NPFFR2: variants seen among roughly 807,000 people sequenced by gnomAD.
NPFFR2 encodes the protein neuropeptide FF receptor 2, also known as G-protein coupled receptor 74.
NPFFR2 carries 15 observed loss-of-function variants against 13.1 expected under a neutral mutation model. That is an observed-to-expected ratio of 1.15 (90% CI 0.77 to 1.76). NPFFR2 has a LOEUF of 1.76. NPFFR2 is among the 40% of genes most tolerant of loss of function. The pLI, the probability that NPFFR2 is intolerant of heterozygous loss-of-function variation, is 0.00. For synonymous variants in NPFFR2, 190 were observed against 175.7 expected, an observed-to-expected ratio of 1.08 and a Z score of -0.65; for missense variants, 572 against 503.5, an observed-to-expected ratio of 1.14 and a Z score of -1.30.
chr4:72,121,670 G>C (rs368245365), intron 1 of NPFFR2, among the ~76,000 whole-genome samples: 10 of 152,148 alleles, frequency 6.6e-5, no homozygotes, highest in African/African-American at 2.4e-4. Flanking sequence ...AAGTGAAGGA[G>C]AAATAAAATC....
chr4:72,109,052 T>G (rs753619663), intron 1 of NPFFR2, among the ~76,000 whole-genome samples: 1 of 152,050 alleles, frequency 6.6e-6, no homozygotes, highest in Non-Finnish European at 1.5e-5. Context: ...ATGTAGTGTT[T>G]GACACACCAT....
intron 1 of NPFFR2, among the ~76,000 whole-genome samples, chr4:72,101,078 C>T (rs1422105132): frequency 6.6e-6 from 1 of 151,966 alleles, no homozygotes; most frequent in African/African-American, 2.4e-5. Flanking sequence ...AAATAAAAAT[C>T]TACACTATTT....
intron 1 of NPFFR2, among the ~76,000 whole-genome samples, chr4:72,111,587 G>A (rs190257975): frequency 8.6e-5 from 13 of 152,012 alleles, no homozygotes; most frequent in Non-Finnish European, 1.5e-4. Context: ...CTTAATCAGG[G>A]CAATAATCTC....
chr4:72,066,403 T>C (rs1720072944), intron 1 of NPFFR2, among the ~76,000 whole-genome samples: 1 of 152,176 alleles, frequency 6.6e-6, no homozygotes, highest in African/African-American at 2.4e-5. Flanking sequence ...CCCTCTTAGA[T>C]GAAAAATATA....
chr4:72,106,604 G>C (rs1721426999), intron 1 of NPFFR2, among the ~76,000 whole-genome samples: 4 of 151,940 alleles, frequency 2.6e-5, no homozygotes, highest in Admixed American at 2.6e-4. Flanking sequence ...CCGAAAAAGA[G>C]AAGTAGGACT....
At position 72,128,615 on chromosome 4, in the gene NPFFR2, CTCT is replaced by C; in HGVS notation, c.27_29del (p.Ser10del). ...TCATGAATGAGAAATGGGACACAAA[CTCT>C]TCAGAAAACTGGCATCCCATCTGGA... is the stretch of plus-strand genomic sequence containing the variant. On this transcript the variant is annotated inframe_deletion, in exon 2 of 4. Coordinates refer to ENST00000308744, the MANE Select transcript of NPFFR2 (RefSeq NM_004885.3). 1 of 1,609,752 alleles carries C rather than the reference CTCT, an allele frequency of 6.2e-7. No homozygotes were observed. Among genetic ancestry groups the C allele is most frequent in the African/African-American group, 1.3e-5 (1 of 74,936 alleles).
intron 1 of NPFFR2, among the ~76,000 whole-genome samples, chr4:72,117,866 A>G (rs746000194): frequency 3.3e-5 from 5 of 152,206 alleles, no homozygotes; most frequent in Non-Finnish European, 5.9e-5. Context: ...ATGAATAAAA[A>G]AGGAACAAAT....
At chr4:72,070,917 T>G (rs1375936929) in intron 1 of NPFFR2, among the ~76,000 whole-genome samples, 1 of 152,178 alleles carries the variant, frequency 6.6e-6, no homozygotes, top group Non-Finnish European at 1.5e-5. Flanking sequence ...ATCAAATTTA[T>G]TTCGACAATG....
chr4:72,034,420 A>C (rs1372435012), intron 1 of NPFFR2, among the ~76,000 whole-genome samples: 1 of 152,156 alleles, frequency 6.6e-6, no homozygotes, highest in East Asian at 1.9e-4. Flanking sequence ...AAAGCCCCCT[A>C]TAAAACCATC....
At chr4:72,053,916 C>T (rs1719664380) in intron 1 of NPFFR2, among the ~76,000 whole-genome samples, 1 of 151,866 alleles carries the variant, frequency 6.6e-6, no homozygotes, top group Admixed American at 6.6e-5. Context: ...TTGTATAGGT[C>T]TCCTTTCTCA....
At chr4:72,084,680 G>A (rs1720717284) in intron 1 of NPFFR2, among the ~76,000 whole-genome samples, 2 of 152,090 alleles carry the variant, frequency 1.3e-5, no homozygotes, top group Admixed American at 1.3e-4. Flanking sequence ...TCTCAAAAGA[G>A]GCCCACTCTC....
intron 1 of NPFFR2, among the ~76,000 whole-genome samples, chr4:72,111,837 C>A (rs1024137608): frequency 1.3e-5 from 2 of 152,034 alleles, no homozygotes; most frequent in African/African-American, 4.8e-5. Flanking sequence ...ATTCTTCACT[C>A]CTAAACTTAT....
At chr4:72,096,985 T>C (rs548384783) in intron 1 of NPFFR2, among the ~76,000 whole-genome samples, 46 of 152,162 alleles carry the variant, frequency 3.0e-4, no homozygotes, top group African/African-American at 1.1e-3. Flanking sequence ...ATTTAGAATG[T>C]AAAATAATGC....
chr4:72,121,670 G>A (rs368245365), intron 1 of NPFFR2, among the ~76,000 whole-genome samples: 3 of 152,148 alleles, frequency 2.0e-5, no homozygotes, highest in African/African-American at 7.2e-5. Context: ...AAGTGAAGGA[G>A]AAATAAAATC....
intron 1 of NPFFR2, among the ~76,000 whole-genome samples, chr4:72,065,617 CTT>C (rs1720044891): frequency 6.6e-6 from 1 of 152,186 alleles, no homozygotes; most frequent in Non-Finnish European, 1.5e-5. Context: ...AAGACACTCT[CTT>C]TCAGCCAAAG....
At chr4:72,103,510 G>A (rs6833674) in intron 1 of NPFFR2, among the ~76,000 whole-genome samples, 140,313 of 152,108 alleles carry the variant, frequency 0.92, 65,662 homozygotes, top group East Asian at 1. Context: ...TATTTTACTC[G>A]GTTTCAGGCA....
chr4:72,059,716 G>A lies in NPFFR2; in HGVS notation c.-8+27516G>A, dbSNP rs115827565. On this transcript the variant is annotated intron_variant, in intron 1 of 3. Transcript: ENST00000308744. ...CAAAGTGGGGTTTCTTCTAATTGCT[G>A]AGTATGGATATTCCAACTTATATTA... Among the ~76,000 whole-genome samples, 1,175 of 152,176 alleles carry A rather than the reference G, an allele frequency of 7.7e-3. 17 individuals are homozygous for A. The highest frequency in any genetic ancestry group is 0.026 in the African/African-American group (1,078 of 41,542).
At chr4:72,111,450 A>ATTGAT (rs1721564100) in intron 1 of NPFFR2, among the ~76,000 whole-genome samples, 1 of 152,014 alleles carries the variant, frequency 6.6e-6, no homozygotes, top group African/African-American at 2.4e-5. Context: ...CATCAGGTAC[A>ATTGAT]GTTGAAGCAA....
rs189388965 is a variant in NPFFR2, at chr4:72,140,608, C to T, written c.428+2469C>T. On this transcript the variant is annotated intron_variant, in intron 3 of 3. Transcript: ENST00000308744. The stretch of plus-strand genomic sequence containing the variant: ...CCAGCCTTGCATCACAGGGATGAAG[C>T]AGACTTGATCATGGTGGATAAGTTT... Among the ~76,000 whole-genome samples, 7 of 152,286 alleles carry T rather than the reference C, an allele frequency of 4.6e-5. No individual in the cohort carries two copies. The East Asian group carries it at 1.4e-3, about 29-fold the overall frequency.
Sources: allele counts gnomAD v4.1 joint callset (sites outside exome capture counted in the v4.1 genomes callset), GRCh38; gene constraint gnomAD v4.1.1; transcripts MANE v1.5; gene names NCBI Gene and HGNC (gene_info 2026-07-23, HGNC 2026-07-21).